Variants in PARD3 observed in about 807,000 individuals in gnomAD.
PARD3 encodes the protein partitioning defective 3 homolog.
In PARD3, 75 loss-of-function variants were observed where a neutral mutation model predicts 155.4. That is an observed-to-expected ratio of 0.48 (90% CI 0.40 to 0.58). The LOEUF (loss-of-function observed/expected upper bound fraction) is 0.58, where lower values mean the gene tolerates loss of function less well. Among genes scored for constraint, PARD3 ranks in the 20% least tolerant of loss-of-function variants. The probability of loss-of-function intolerance (pLI) is 0.00; values close to 1 mark genes in which losing one functional copy is unlikely to be tolerated. For missense variants in PARD3, 1,642 were observed against 1,721.7 expected, an observed-to-expected ratio of 0.95 and a Z score of 0.82; for synonymous variants, 576 against 610.5, an observed-to-expected ratio of 0.94 and a Z score of 0.83.
chr10:34,724,775 C>T (rs2094670621), intron 1 of PARD3, among the ~76,000 whole-genome samples: 1 of 152,212 alleles, frequency 6.6e-6, no homozygotes, highest in African/African-American at 2.4e-5. Context: ...TGTGCTACCA[C>T]GGGCAGCAGC....
At chr10:34,275,774 G>C (rs1955846131) in intron 21 of PARD3, among the ~76,000 whole-genome samples, 1 of 152,116 alleles carries the variant, frequency 6.6e-6, no homozygotes, top group Non-Finnish European at 1.5e-5. Flanking sequence ...TGAGTATCTT[G>C]CAGTTGAGCC....
At chr10:34,616,076 T>TA (rs1200417929) in intron 2 of PARD3, among the ~76,000 whole-genome samples, 2 of 152,178 alleles carry the variant, frequency 1.3e-5, no homozygotes, top group Non-Finnish European at 2.9e-5. Flanking sequence ...TCTAGCACTT[T>TA]AGGAGGCAGA....
intron 15 of PARD3, chr10:34,345,099 A>T (rs1589248150): frequency 1.0e-6 from 1 of 983,836 alleles, no homozygotes; most frequent in East Asian, 1.1e-4. Context: ...AAGAATGAAG[A>T]TCTCAGCATT....
At chr10:34,392,743 T>C (rs1245458192) in intron 7 of PARD3, among the ~76,000 whole-genome samples, 1 of 152,120 alleles carries the variant, frequency 6.6e-6, no homozygotes, top group African/African-American at 2.4e-5. Flanking sequence ...CTGCTGGGAA[T>C]TAATATGTAG....
chr10:34,236,443 T>A lies in PARD3; in HGVS notation c.3419+33214A>T, dbSNP rs117663769. Among the ~76,000 whole-genome samples the A allele has an allele frequency of 3.1e-3, 470 of 152,310 alleles. 1 individual carries two copies. The highest frequency in any genetic ancestry group is 4.4e-3 in the Non-Finnish European group (302 of 68,012). On this transcript the variant is annotated intron_variant, in intron 22 of 24. Transcript: ENST00000374788. ...AGAACACGTAACACATTTGTGTCAA[T>A]ACAGGACTAAAGATAACAACATTTT...
chr10:34,342,239 G>A (rs532874780), intron 15 of PARD3, among the ~76,000 whole-genome samples: 1 of 152,356 alleles, frequency 6.6e-6, no homozygotes, highest in South Asian at 2.1e-4. Context: ...AGCAGGTACT[G>A]CAAGACACAG....
At chr10:34,322,535 A>T (rs895520046) in intron 19 of PARD3, among the ~76,000 whole-genome samples, 8 of 152,212 alleles carry the variant, frequency 5.3e-5, no homozygotes, top group African/African-American at 1.4e-4. Flanking sequence ...TATTTGTCTT[A>T]AGTGTATAAT....
intron 2 of PARD3, among the ~76,000 whole-genome samples, chr10:34,691,005 G>A (rs761064733): frequency 1.1e-4 from 16 of 152,110 alleles, no homozygotes; most frequent in South Asian, 2.1e-4. Context: ...TTGAGCCCAC[G>A]AGTTTGAGAC....
chr10:34,806,065 G>A (rs1343685797), intron 1 of PARD3, among the ~76,000 whole-genome samples: 1 of 151,642 alleles, frequency 6.6e-6, no homozygotes, highest in Non-Finnish European at 1.5e-5. Flanking sequence ...GAGTCTCGCT[G>A]TGTCACCCAA....
intron 2 of PARD3, among the ~76,000 whole-genome samples, chr10:34,640,799 C>G (rs1197332414): frequency 6.7e-6 from 1 of 148,326 alleles, no homozygotes; most frequent in African/African-American, 2.5e-5. Flanking sequence ...CTCCCTTTTA[C>G]CCAGCAATGC....
At chr10:34,330,311 C>T (rs1213194102) in intron 19 of PARD3, among the ~76,000 whole-genome samples, 1 of 152,038 alleles carries the variant, frequency 6.6e-6, no homozygotes, top group Non-Finnish European at 1.5e-5. Context: ...ATGTTTAACT[C>T]TCTGGAAGGA....
chr10:34,416,523 T>C (rs1388762096), intron 5 of PARD3, among the ~76,000 whole-genome samples: 2 of 152,154 alleles, frequency 1.3e-5, no homozygotes, highest in Admixed American at 1.3e-4. Flanking sequence ...AGATCTTCAT[T>C]AAGCACCTAT....
intron 2 of PARD3, among the ~76,000 whole-genome samples, chr10:34,616,275 C>G (rs550935250): frequency 6.6e-6 from 1 of 152,152 alleles, no homozygotes; most frequent in African/African-American, 2.4e-5. Flanking sequence ...TAAGATCGTG[C>G]TACTGCACTC....
chr10:34,383,218 T>C (rs1002640333), intron 8 of PARD3, among the ~76,000 whole-genome samples: 2 of 151,648 alleles, frequency 1.3e-5, no homozygotes, highest in African/African-American at 4.9e-5. Context: ...GTATAACAAG[T>C]ATTATAATTT....
chr10:34,281,079 G>A (rs949718745), intron 21 of PARD3, among the ~76,000 whole-genome samples: 1 of 151,926 alleles, frequency 6.6e-6, no homozygotes. Context: ...GTGATGCTTG[G>A]TCGACAGAGA....
chr10:34,425,229 T>G lies in PARD3; in HGVS notation c.715-23312A>C, dbSNP rs76077120. ...CAAATCCATTTTCATTATACTTTAATGAATGAAACATTCATTTGGAAGCAA... is the reference window on the plus strand; with the variant it reads ...CAAATCCATTTTCATTATACTTTAAGGAATGAAACATTCATTTGGAAGCAA... On this transcript the variant is annotated intron_variant, in intron 5 of 24. Transcript: ENST00000374788. 6.2e-4 allele frequency among the ~76,000 whole-genome samples: 94 copies of G among 152,282 alleles called. No homozygotes were observed. In the East Asian group the frequency reaches 0.014, roughly 23 times the overall value.
chr10:34,305,716 C>G (rs1312938759), intron 20 of PARD3, among the ~76,000 whole-genome samples: 1 of 152,296 alleles, frequency 6.6e-6, no homozygotes, highest in South Asian at 2.1e-4. Context: ...CAGTGGTGCA[C>G]GCCTGCAATC....
chr10:34,272,530 G>C (rs1442607569), intron 21 of PARD3, among the ~76,000 whole-genome samples: 1 of 152,080 alleles, frequency 6.6e-6, no homozygotes, highest in Admixed American at 6.6e-5. Context: ...AGGAGTTCTA[G>C]ACCAGCCTAG....
In PARD3 at chr10:34,227,856, T is replaced by TTATATATATATA. The variant is rs55681930; in HGVS notation, c.3419+41789_3419+41800dup. On this transcript the variant is annotated intron_variant, in intron 22 of 24. Transcript: ENST00000374788. The stretch of plus-strand genomic sequence containing the variant: ...TATTCCCAGTAATGGGAATTATTTT[T>TTATATATATATA]TATATATATATATATATATATATAT... 8.8e-3 allele frequency among the ~76,000 whole-genome samples: 722 copies of TTATATATATATA among 82,154 alleles called. 21 individuals are homozygous for TTATATATATATA. The highest frequency in any genetic ancestry group is 0.013 in the Non-Finnish European group (573 of 42,782). The allele number at this position is 82,154 out of a possible 152,430, so 53.9% of individuals were successfully genotyped here. A position where few individuals can be genotyped will look rare whatever the true frequency, so the allele number is the denominator to read the frequency against.
Sources: allele counts gnomAD v4.1 joint callset (sites outside exome capture counted in the v4.1 genomes callset), GRCh38; gene constraint gnomAD v4.1.1; transcripts MANE v1.5; gene names NCBI Gene and HGNC (gene_info 2026-07-23, HGNC 2026-07-21).